The following GRIP1 variants were observed in gnomAD, a reference collection of about 807,000 sequenced individuals.
GRIP1 encodes glutamate receptor interacting protein 1.
GRIP1 carries 45 observed loss-of-function variants against 129.9 expected under a neutral mutation model. The observed-to-expected ratio is 0.35, with a 90% CI of 0.27 to 0.44. The LOEUF (loss-of-function observed/expected upper bound fraction) is 0.44, where lower values mean the gene tolerates loss of function less well. Ranked by LOEUF, GRIP1 falls within the 20% of genes least tolerant of loss-of-function variation. The pLI is 1.00. For synonymous variants in GRIP1, 530 were observed against 520.8 expected (o/e 1.02, Z -0.24); for missense variants, 1,196 against 1,396.8 (o/e 0.86, Z 2.29).
At chr12:66,846,287 GT>G (rs1245215222) in intron 1 of GRIP1, among the ~76,000 whole-genome samples, 1 of 152,136 alleles carries the variant, frequency 6.6e-6, no homozygotes, top group Non-Finnish European at 1.5e-5. Context: ...TCACCCTAAT[GT>G]CAACATGCTC....
intron 1 of GRIP1, among the ~76,000 whole-genome samples, chr12:66,750,911 G>A (rs773290037): frequency 6.6e-6 from 1 of 152,136 alleles, no homozygotes; most frequent in Non-Finnish European, 1.5e-5. Flanking sequence ...CATAGGCAAT[G>A]AACAGTAATT....
intron 15 of GRIP1, among the ~76,000 whole-genome samples, chr12:66,415,785 TGGAAGGCTTTATCCTCA>T (rs2137778378): frequency 6.6e-6 from 1 of 152,282 alleles, no homozygotes; most frequent in South Asian, 2.1e-4. Flanking sequence ...TGGATAGACC[TGGAAGGCTTTATCCTCA>T]GCAAACTAAC....
chr12:66,858,661 T>C (rs908019473), intron 1 of GRIP1, among the ~76,000 whole-genome samples: 2 of 151,994 alleles, frequency 1.3e-5, no homozygotes, highest in Admixed American at 1.3e-4. Context: ...GAATTTATAA[T>C]AGGCTTCTTT....
chr12:66,384,440 TC>T (rs1477246153), intron 19 of GRIP1, among the ~76,000 whole-genome samples: 1 of 152,216 alleles, frequency 6.6e-6, no homozygotes, highest in Non-Finnish European at 1.5e-5. Context: ...TGTGAGATAT[TC>T]CGGGTATGTG....
At chr12:66,533,316 G>A (rs2061508626) in intron 4 of GRIP1, among the ~76,000 whole-genome samples, 1 of 151,960 alleles carries the variant, frequency 6.6e-6, no homozygotes, top group Non-Finnish European at 1.5e-5. Context: ...GATTACAGGT[G>A]TAAGCCACCA....
chr12:66,953,155 T>C (rs960485471), intron 1 of GRIP1, among the ~76,000 whole-genome samples: 6 of 152,198 alleles, frequency 3.9e-5, no homozygotes, highest in African/African-American at 1.2e-4. Context: ...AAAATAGTCA[T>C]GTATTCAAGG....
intron 1 of GRIP1, among the ~76,000 whole-genome samples, chr12:66,907,393 C>A (rs1053889586): frequency 2.0e-5 from 3 of 152,100 alleles, no homozygotes; most frequent in Non-Finnish European, 4.4e-5. Context: ...ATGGCCTCTG[C>A]TCATATGTAT....
intron 1 of GRIP1, among the ~76,000 whole-genome samples, chr12:66,827,885 G>A (rs1012924414): frequency 7.9e-5 from 12 of 152,102 alleles, no homozygotes; most frequent in African/African-American, 2.9e-4. Context: ...TGCTTATAGG[G>A]CCACTACCGA....
At chr12:66,356,466 G>A (rs2054493310) in intron 23 of GRIP1, among the ~76,000 whole-genome samples, 2 of 152,112 alleles carry the variant, frequency 1.3e-5, no homozygotes, top group Non-Finnish European at 2.9e-5. Flanking sequence ...CCACAATTAT[G>A]TTTTTGCCTT....
intron 9 of GRIP1, among the ~76,000 whole-genome samples, chr12:66,458,156 C>T (rs145109229): frequency 6.6e-6 from 1 of 152,238 alleles, no homozygotes; most frequent in Non-Finnish European, 1.5e-5. Flanking sequence ...AATTTTGTTA[C>T]CCTAAACCAT....
intron 1 of GRIP1, among the ~76,000 whole-genome samples, chr12:66,857,556 G>GAAA (rs61311434): frequency 2.4e-5 from 3 of 125,708 alleles, no homozygotes; most frequent in Non-Finnish European, 3.3e-5. Context: ...CTAGTCTCAG[G>GAAA]AAAAAAAAAA....
chr12:67,018,474 T>C (rs765083815), intron 1 of GRIP1, among the ~76,000 whole-genome samples: 2 of 152,248 alleles, frequency 1.3e-5, no homozygotes, highest in African/African-American at 4.8e-5. Context: ...CCGCAACAGA[T>C]AACCCAAGGC....
intron 1 of GRIP1, among the ~76,000 whole-genome samples, chr12:66,963,416 T>C (rs2041951632): frequency 6.6e-6 from 1 of 152,186 alleles, no homozygotes; most frequent in African/African-American, 2.4e-5. Flanking sequence ...TTACATGTAT[T>C]TCATCTAGCC....
rs78075489 is a variant in GRIP1, at chr12:66,646,591, C to T, written c.55+32259G>A. Among the ~76,000 whole-genome samples the T allele has an allele frequency of 9.2e-3, 1,394 of 152,312 alleles. 11 individuals carry two copies. Among genetic ancestry groups the T allele is most frequent in the Non-Finnish European group, 0.014 (970 of 68,026 alleles). On this transcript the variant is annotated intron_variant, in intron 1 of 24. Coordinates refer to ENST00000359742, the MANE Select transcript of GRIP1 (RefSeq NM_001366722.1). ...AGGTGACCACATAAGAGAGGTACTGCTTTCCTTCGTTTTCAGTTTTACTTG... is the reference window on the plus strand; with the variant it reads ...AGGTGACCACATAAGAGAGGTACTGTTTTCCTTCGTTTTCAGTTTTACTTG...
At chr12:66,665,598 A>C (rs1040762070) in intron 1 of GRIP1, among the ~76,000 whole-genome samples, 1 of 152,198 alleles carries the variant, frequency 6.6e-6, no homozygotes, top group Non-Finnish European at 1.5e-5. Flanking sequence ...GTTTGTGAGA[A>C]TCATGCATTT....
intron 2 of GRIP1, chr12:66,569,132 G>A (rs1167269953): frequency 4.4e-6 from 1 of 227,454 alleles, no homozygotes; most frequent in Non-Finnish European, 8.7e-6. Context: ...TATTATCTTT[G>A]CAGTTTTGAA....
At chr12:66,431,060 G>C (rs2058133221) in intron 14 of GRIP1, among the ~76,000 whole-genome samples, 1 of 152,204 alleles carries the variant, frequency 6.6e-6, no homozygotes, top group African/African-American at 2.4e-5. Flanking sequence ...TAAATGAATG[G>C]ATTGGAATAA....
chr12:66,880,037 G>A (rs1180141734), intron 1 of GRIP1, among the ~76,000 whole-genome samples: 1 of 152,054 alleles, frequency 6.6e-6, no homozygotes, highest in East Asian at 1.9e-4. Flanking sequence ...GATTAATATT[G>A]TGCAGGGGCG....
At chr12:66,417,198 C>T (rs749661448) in intron 15 of GRIP1, among the ~76,000 whole-genome samples, 4 of 152,046 alleles carry the variant, frequency 2.6e-5, no homozygotes, top group Non-Finnish European at 5.9e-5. Context: ...ACCATATGAT[C>T]ATTTCTATTG....
Sources: gnomAD v4.1 joint callset for allele counts (sites outside exome capture counted in the v4.1 genomes callset) on GRCh38, gnomAD v4.1.1 for gene constraint, MANE v1.5 for transcripts, NCBI Gene and HGNC (gene_info 2026-07-23, HGNC 2026-07-21) for gene names.